Variants in TRIM71 observed in about 807,000 individuals in gnomAD.
TRIM71 encodes the protein E3 ubiquitin-protein ligase TRIM71.
In TRIM71, 9 loss-of-function variants were observed where a neutral mutation model predicts 61.2. The observed-to-expected ratio is 0.15, with a 90% confidence interval of 0.09 to 0.26. The LOEUF (loss-of-function observed/expected upper bound fraction) is 0.26. TRIM71 is among the 10% of genes least tolerant of loss of function. The pLI is 1.00. For synonymous variants in TRIM71, 645 were observed against 553.2 expected (o/e 1.17, Z -2.33); for missense variants, 998 against 1,238.7 (o/e 0.81, Z 2.92).
intron 1 of TRIM71, among the ~76,000 whole-genome samples, chr3:32,848,489 G>C (rs1256617543): frequency 3.9e-5 from 6 of 152,116 alleles, no homozygotes; most frequent in Non-Finnish European, 2.9e-5. Context: ...AAGCCGTTGT[G>C]GAAGGTTCCC....
At position 32,818,414 on chromosome 3, in the gene TRIM71, T is replaced by G. The variant is rs1002801921; in HGVS notation, c.334T>G (p.Ser112Ala). Residue 112 changes from serine (S) to alanine (A), a missense_variant, in exon 1 of 4, where the codon TCC becomes GCC. Ser to Ala is a moderately conservative substitution (Grantham distance 99). This residue lies in a region of TRIM71 where 527 missense variants were observed against 427.8 expected (regional missense o/e 1.23). Transcript: ENST00000383763. ...GGCGGGTATGGACGCGCTGCCTTCG[T>G]CCGCCTTCCTGCTTAGCAACCTGCT... Reference protein sequence around the residue: ...EAAGMDALPSSAFLLSNLLDA... With the variant: ...EAAGMDALPSAAFLLSNLLDA... 2 of 1,477,450 alleles carry G rather than the reference T, an allele frequency of 1.4e-6. No individual in the cohort carries two copies. The highest frequency in any genetic ancestry group is 1.8e-6 in the Non-Finnish European group (2 of 1,118,618). The allele number at this position is 1,477,450 out of a possible 1,614,324, so 91.5% of individuals were successfully genotyped here. A position where few individuals can be genotyped will look rare whatever the true frequency, so the allele number is the denominator to read the frequency against.
At chr3:32,843,936 A>G (rs1696440862) in intron 1 of TRIM71, among the ~76,000 whole-genome samples, 1 of 152,140 alleles carries the variant, frequency 6.6e-6, no homozygotes, top group South Asian at 2.1e-4. Context: ...TGTTATGCAA[A>G]TAACTCCAGA....
chr3:32,818,659 C>T lies in TRIM71; in HGVS notation c.579C>T (p.Leu193=), dbSNP rs753768932. The T allele has an allele frequency of 2.6e-6, 4 of 1,513,146 alleles. No individual in the cohort carries two copies. Among genetic ancestry groups the T allele is most frequent in the Non-Finnish European group, 3.5e-6 (4 of 1,140,696 alleles). The allele number at this position is 1,513,146 out of a possible 1,614,324, so 93.7% of individuals were successfully genotyped here. The part of the protein sequence containing the change: ...GPAASPSALL[L]RRPHGCSSCD... ...CCGCTTCCCCGTCGGCGCTGCTGCT[C>T]CGCCGTCCTCACGGCTGCAGCTCGT... The change falls in exon 1 of 4, where the codon CTC becomes CTT. Residue 193 remains leucine (L), a synonymous_variant. Transcript: ENST00000383763.
chr3:32,825,287 T>A (rs1696187940), intron 1 of TRIM71, among the ~76,000 whole-genome samples: 1 of 152,230 alleles, frequency 6.6e-6, no homozygotes, highest in South Asian at 2.1e-4. Context: ...GTGGAAGCTG[T>A]CAATGAAGTT....
chr3:32,827,116 A>T lies in TRIM71; in HGVS notation c.852+8184A>T, dbSNP rs555135345. ...AAATTATCAGTTGGCACAAAAAATT[A>T]GCAGTCAGTTGTATTTCACTCAAAA... On this transcript the variant is annotated intron_variant, in intron 1 of 3. Coordinates refer to ENST00000383763, the MANE Select transcript of TRIM71 (RefSeq NM_001039111.3). Among the ~76,000 whole-genome samples, 16 of 152,232 alleles carry T rather than the reference A, an allele frequency of 1.1e-4. No individual in the cohort carries two copies. In the East Asian group the frequency reaches 2.9e-3, roughly 28 times the overall value.
chr3:32,865,815 C>CTTTTTTTTTTTTT (rs139123002), intron 1 of TRIM71, among the ~76,000 whole-genome samples: 1 of 16,296 alleles, frequency 6.1e-5, no homozygotes, highest in African/African-American at 2.0e-4. Context: ...CCCGCCCCAC[C>CTTTTTTTTTTTTT]TTTTTTTTTT....
intron 1 of TRIM71, among the ~76,000 whole-genome samples, chr3:32,867,482 G>A (rs1050336693): frequency 1.1e-4 from 16 of 152,000 alleles, no homozygotes; most frequent in East Asian, 1.9e-4. Flanking sequence ...ACAGGGTCTC[G>A]GGCTCTGTGG....
intron 1 of TRIM71, among the ~76,000 whole-genome samples, chr3:32,848,332 G>A (rs1696498516): frequency 6.6e-6 from 1 of 152,130 alleles, no homozygotes; most frequent in African/African-American, 2.4e-5. Context: ...AGTTCTACAG[G>A]TCAGAGGAAT....
chr3:32,823,896 A>C (rs1452418687), intron 1 of TRIM71, among the ~76,000 whole-genome samples: 1 of 151,988 alleles, frequency 6.6e-6, no homozygotes, highest in African/African-American at 2.4e-5. Flanking sequence ...ACATGGTGAA[A>C]CCCTGTCTCT....
rs1453945649 is a variant in TRIM71, at chr3:32,894,210, A to G, written c.*2399A>G. ...AAACACCAAAGACAACTGGTTTTAA[A>G]TGCTTGAAAAAAATTTTATTGAGGA... On this transcript the variant is annotated 3_prime_UTR_variant, in exon 4 of 4. Transcript: ENST00000383763. 1.3e-5 allele frequency: 2 copies of G among 152,020 alleles called. No individual in the cohort carries two copies. The highest frequency in any genetic ancestry group is 2.9e-5 in the Non-Finnish European group (2 of 67,990). The allele number at this position is 152,020 out of a possible 1,614,324, so 9.4% of individuals were successfully genotyped here.
chr3:32,862,020 ACT>A (rs1168747683), intron 1 of TRIM71, among the ~76,000 whole-genome samples: 4 of 152,066 alleles, frequency 2.6e-5, no homozygotes, highest in Admixed American at 6.5e-5. Context: ...CCTGTGAACA[ACT>A]CTGTATTAAA....
At chr3:32,872,596 A>C (rs1691083178) in intron 1 of TRIM71, among the ~76,000 whole-genome samples, 1 of 152,138 alleles carries the variant, frequency 6.6e-6, no homozygotes, top group South Asian at 2.1e-4. Context: ...ATGAGCTTCT[A>C]TTCAGTCTGC....
intron 2 of TRIM71, among the ~76,000 whole-genome samples, chr3:32,880,325 A>T (rs1190063596): frequency 4.6e-5 from 7 of 152,184 alleles, no homozygotes. Context: ...CACTGCACCC[A>T]GCCTCATCCA....
At chr3:32,833,392 A>G (rs1490469517) in intron 1 of TRIM71, among the ~76,000 whole-genome samples, 1 of 152,014 alleles carries the variant, frequency 6.6e-6, no homozygotes, top group African/African-American at 2.4e-5. Context: ...CACATCCCTC[A>G]GGCCCTTGTA....
At chr3:32,861,834 G>T (rs571407575) in intron 1 of TRIM71, among the ~76,000 whole-genome samples, 1 of 152,020 alleles carries the variant, frequency 6.6e-6, no homozygotes, top group Non-Finnish European at 1.5e-5. Context: ...ACAAATCTCC[G>T]TAATTCACAG....
chr3:32,822,949 T>G, intron 1 of TRIM71, among the ~76,000 whole-genome samples: 1 of 152,326 alleles, frequency 6.6e-6, no homozygotes, highest in Middle Eastern at 3.4e-3. Flanking sequence ...AAAAAAAATT[T>G]TTTTAAAGGA....
At chr3:32,864,892 G>A (rs182749940) in intron 1 of TRIM71, among the ~76,000 whole-genome samples, 17 of 140,582 alleles carry the variant, frequency 1.2e-4, no homozygotes, top group South Asian at 2.3e-4. Flanking sequence ...GTGTGTGTGT[G>A]TTCACAAAGG....
At chr3:32,887,078 C>G (rs905763267) in intron 3 of TRIM71, among the ~76,000 whole-genome samples, 2 of 152,116 alleles carry the variant, frequency 1.3e-5, no homozygotes, top group African/African-American at 4.8e-5. Context: ...AGTGTTATGC[C>G]ACCCACGAAT....
intron 1 of TRIM71, among the ~76,000 whole-genome samples, chr3:32,829,169 T>A (rs1488295657): frequency 6.7e-6 from 1 of 149,456 alleles, no homozygotes; most frequent in East Asian, 1.9e-4. Flanking sequence ...AATTTTCTTT[T>A]TTTCTTTTTT....
Sources: gnomAD v4.1 joint callset for allele counts (sites outside exome capture counted in the v4.1 genomes callset) on GRCh38, gnomAD v4.1.1 for gene constraint, gnomAD v4.1.1 regional missense constraint, MANE v1.5 for transcripts, NCBI Gene and HGNC (gene_info 2026-07-23, HGNC 2026-07-21) for gene names.